The following SRCAP variants were observed in gnomAD, a reference collection of about 807,000 sequenced individuals.
The protein encoded by SRCAP is chromatin remodeling protein SRCAP.
In SRCAP, 46 loss-of-function variants were observed where a neutral mutation model predicts 263.1. The observed-to-expected ratio is 0.17, with a 90% CI of 0.14 to 0.22. The LOEUF (loss-of-function observed/expected upper bound fraction) is 0.22. Ranked by LOEUF, SRCAP falls within the 10% of genes least tolerant of loss-of-function variation. The pLI is 1.00. For missense variants in SRCAP, 3,695 were observed against 4,181.9 expected, an observed-to-expected ratio of 0.88 and a Z score of 3.21; for synonymous variants, 1,813 against 1,662.1, an observed-to-expected ratio of 1.09 and a Z score of -2.21.
intron 24 of SRCAP, 125 bp from the exon 25 acceptor site, chr16:30,723,459 C>T: frequency 6.7e-7 from 1 of 1,496,462 alleles, no homozygotes; most frequent in Non-Finnish European, 8.9e-7. Flanking sequence ...GGATGTTTGA[C>T]TTCATGTTGT....
Position 30,733,704 on chromosome 16 carries a change from G to GT in SRCAP, c.6406dup (p.Tyr2136LeufsTer2). The GT allele has an allele frequency of 6.2e-7, 1 of 1,614,156 alleles. No homozygotes were observed. Among genetic ancestry groups the GT allele is most frequent in the Non-Finnish European group, 8.5e-7 (1 of 1,180,040 alleles). On this transcript the variant is annotated frameshift_variant, in exon 29 of 34. Coordinates refer to ENST00000262518, the MANE Select transcript of SRCAP (RefSeq NM_006662.3). This position sits in a 1 kb window ranked among gnomAD's most constrained non-coding sequence, Gnocchi z 5.3. ...GAACCTGACAGGAGCAGACACTGTT[G>GT]TTTTTTATGACAGCGACTGGAATCC... is the stretch of plus-strand genomic sequence containing the variant.
At chr16:30,704,512 A>G (rs899138311) in intron 4 of SRCAP, among the ~76,000 whole-genome samples, 197 bp downstream of exon 4, 1 of 152,176 alleles carries the variant, frequency 6.6e-6, no homozygotes, top group Middle Eastern at 3.2e-3. Context: ...TAGGAATGAT[A>G]TAATAGTTTA....
rs971754557 is a variant in SRCAP at position 30,724,009 on chromosome 16, C to T, written c.4585C>T (p.Pro1529Ser). 2.6e-5 allele frequency: 42 copies of T among 1,614,044 alleles called. No homozygotes were observed. The highest frequency in any genetic ancestry group is 3.6e-5 in the Non-Finnish European group (42 of 1,180,008). The change falls in exon 25 of 34, where the codon CCC becomes TCC. Residue 1529 changes from proline (P) to serine (S), a missense_variant. Physicochemically the swap from Pro to Ser is moderately conservative, Grantham distance 74. Coordinates refer to ENST00000262518, the MANE Select transcript of SRCAP (RefSeq NM_006662.3). ...QTPGHPLLLA[P>S]TSSHVPGLNS... ...ACCTGGTCACCCTCTGTTGTTGGCT[C>T]CCACCTCTTCACATGTTCCAGGGTT...
intron 1 of SRCAP, 128 bp downstream of exon 1, chr16:30,699,370 C>A (rs2052739936): frequency 2.5e-6 from 1 of 393,778 alleles, no homozygotes; most frequent in African/African-American, 2.1e-5. Context: ...CTGCCTGTTT[C>A]CGGCGCGTGG....
chr16:30,716,028 A>C, intron 16 of SRCAP, 38 bp from the exon 17 acceptor site: 2 of 1,612,626 alleles, frequency 1.2e-6, no homozygotes, highest in Non-Finnish European at 1.7e-6. Context: ...TCGGTGCCTG[A>C]GTTCTCCTGT....
At chr16:30,712,923 T>G (rs1201531921) in intron 14 of SRCAP, 108 bp downstream of exon 14, 3 of 1,393,932 alleles carry the variant, frequency 2.2e-6, no homozygotes, top group African/African-American at 2.9e-5. Flanking sequence ...AAAAAAAATT[T>G]TTTAATTTTT....
Position 30,709,495 on chromosome 16 carries a change from C to T in SRCAP, c.634-18C>T, listed in dbSNP as rs2052865349. 8.7e-6 allele frequency: 14 copies of T among 1,613,982 alleles called. No homozygotes were observed. Among genetic ancestry groups the T allele is most frequent in the Non-Finnish European group, 1.2e-5 (14 of 1,179,870 alleles). On this transcript the variant is annotated intron_variant, in intron 6 of 33. Coordinates refer to ENST00000262518, the MANE Select transcript of SRCAP (RefSeq NM_006662.3). ...AAATGGTTATCTTGGTGAGCAGTCC[C>T]TTTCACATCTGTGGCAGGTGGTGCA...
At chr16:30,703,191 TC>T (rs1387119699) in intron 3 of SRCAP, among the ~76,000 whole-genome samples, 1 of 149,612 alleles carries the variant, frequency 6.7e-6, no homozygotes, top group African/African-American at 2.5e-5. Context: ...ATTTTTTTTT[TC>T]CTTTTCCTTT....
intron 31 of SRCAP, 113 bp downstream of exon 31, chr16:30,734,728 G>T (rs985656511): frequency 2.7e-6 from 4 of 1,484,398 alleles, no homozygotes; most frequent in Admixed American, 2.0e-5. Context: ...CTGCTTCCCA[G>T]ATTACAGTCA....
In SRCAP at chr16:30,711,904, C is replaced by T; in HGVS notation, c.1562C>T (p.Ser521Leu). Reference sequence around the variant, plus strand: ...GAGGAGGAAGAAACAAGTGGAAGTTCAGCATCAGAGGAATCTGAGTCTGAA... The same window carrying T: ...GAGGAGGAAGAAACAAGTGGAAGTTTAGCATCAGAGGAATCTGAGTCTGAA... ...HSEEEETSGSSASEESESEES... is the reference protein window; with the variant it reads ...HSEEEETSGSLASEESESEES... The change falls in exon 12 of 34, where the codon TCA becomes TTA. Residue 521 changes from serine (S) to leucine (L), a missense_variant. Physicochemically the swap from Ser to Leu is moderately radical, Grantham distance 145 (BLOSUM62 -2). Coordinates refer to ENST00000262518, the MANE Select transcript of SRCAP (RefSeq NM_006662.3). 1 of 1,613,814 alleles carries T rather than the reference C, an allele frequency of 6.2e-7. No homozygotes were observed. Among genetic ancestry groups the T allele is most frequent in the Non-Finnish European group, 8.5e-7 (1 of 1,180,010 alleles).
chr16:30,726,274 CG>C (rs983042434), intron 25 of SRCAP: 2 of 152,102 alleles, frequency 1.3e-5, no homozygotes, highest in Non-Finnish European at 2.9e-5. Context: ...TTGATGGAAA[CG>C]TGTGTTACTT....
intron 8 of SRCAP, 119 bp from the exon 9 acceptor site, chr16:30,710,635 C>G (rs751600277): frequency 2.9e-6 from 3 of 1,023,708 alleles, no homozygotes; most frequent in Non-Finnish European, 4.7e-6. Flanking sequence ...TGGGATTATA[C>G]CAGTGGCAAC....
In SRCAP at chr16:30,737,236, T is replaced by G. The variant is rs1430581829; in HGVS notation, c.7196T>G (p.Leu2399Arg). ...CCGGGGACTCGTGTCAGTGAGCGTCTTCGTGGAGCCCGGGCTGAGACTCAA... is the reference window on the plus strand; with the variant it reads ...CCGGGGACTCGTGTCAGTGAGCGTCGTCGTGGAGCCCGGGCTGAGACTCAA... ...ERPGTRVSER[L>R]RGARAETQGA... Residue 2399 changes from leucine (L) to arginine (R), a missense_variant, in exon 34 of 34, where the codon CTT becomes CGT. By Grantham distance (102) the Leu-to-Arg change is moderately radical (BLOSUM62 -2). This residue lies in a region of SRCAP where 1,207 missense variants were observed against 1,142.9 expected (regional missense o/e 1.06). Transcript: ENST00000262518. 2 of 1,613,838 alleles carry G rather than the reference T, an allele frequency of 1.2e-6. No homozygotes were observed. Among genetic ancestry groups the G allele is most frequent in the African/African-American group, 1.3e-5 (1 of 74,840 alleles).
chr16:30,719,056 A>G (rs1381887022), intron 18 of SRCAP, among the ~76,000 whole-genome samples: 4 of 150,818 alleles, frequency 2.7e-5, no homozygotes, highest in Non-Finnish European at 4.4e-5. Context: ...GGTGTGCACA[A>G]CCATGCTGGT....
chr16:30,734,041 GA>G, intron 30 of SRCAP, 33 bp downstream of exon 30: 2 of 1,541,270 alleles, frequency 1.3e-6, no homozygotes, highest in Non-Finnish European at 1.8e-6. Context: ...CTATGCAGGA[GA>G]AAACTGCTGC....
chr16:30,723,603 C>T lies in SRCAP; in HGVS notation c.4179C>T (p.Ala1393=), dbSNP rs546072531. ...CCACAGCTTCAGCCCCCGGAGCTGC[C>T]CCCTTGACCATCTCTTCTCCTCTCC... The part of the protein sequence containing the change: ...PEVSASAPGA[A]PLTISSPLHV... The change falls in exon 25 of 34, where the codon GCC becomes GCT. Residue 1393 remains alanine, a synonymous_variant. Transcript: ENST00000262518. 24 of 1,613,452 alleles carry T rather than the reference C, an allele frequency of 1.5e-5. 1 individual carries two copies. In the South Asian group the frequency reaches 2.6e-4, roughly 18 times the overall value.
Position 30,718,620 on chromosome 16 carries a change from T to C in SRCAP, c.2818-1542T>C, listed in dbSNP as rs1596652220. Among the ~76,000 whole-genome samples, 7 of 151,702 alleles carry C rather than the reference T, an allele frequency of 4.6e-5. No individual in the cohort carries two copies. The South Asian group carries it at 1.5e-3, about 32-fold the overall frequency. ...CCAAGTAACTGGGACTACAGGTGTG[T>C]GCCACCACTCCCAGCTAATTTTTGT... On this transcript the variant is annotated intron_variant, in intron 18 of 33. Transcript: ENST00000262518.
At position 30,733,603 on chromosome 16, in the gene SRCAP, C is replaced by T. The variant is rs1210093930; in HGVS notation, c.6299C>T (p.Ala2100Val). ...ATCTTTTTTTCCCTTTCCTTCTAGG[C>T]CTTGATGGAACGGTTCAATGCAGAC... ...DGSTRVEQRQALMERFNADKR... is the reference protein window; with the variant it reads ...DGSTRVEQRQVLMERFNADKR... The change falls in exon 29 of 34, where the codon GCC becomes GTC. Residue 2100 changes from alanine (A) to valine (V), a missense_variant and splice_region_variant. Physicochemically the swap from Ala to Val is moderately conservative, Grantham distance 64. Transcript: ENST00000262518. The surrounding 1 kb of genome is among the most constrained non-coding windows in gnomAD (Gnocchi z 5.3). The T allele has an allele frequency of 4.3e-6, 7 of 1,612,202 alleles. No homozygotes were observed. The highest frequency in any genetic ancestry group is 3.3e-5 in the South Asian group (3 of 90,926).
rs746926335 is a variant in SRCAP, at chr16:30,724,985, G to A, written c.5561G>A (p.Arg1854His). The A allele has an allele frequency of 1.5e-5, 24 of 1,613,984 alleles. No homozygotes were observed. The highest frequency in any genetic ancestry group is 1.5e-4 in the African/African-American group (11 of 74,878). ...SKDEPDTLTL[R>H]SGPPSPPSTA... ...GATGAGCCTGACACACTGACATTGC[G>A]CTCTGGTCCCCCCAGCCCTCCCTCC... The change falls in exon 25 of 34, where the codon CGC (arginine) becomes CAC (histidine). Residue 1854 changes from arginine to histidine, a missense_variant. Around this residue, in one of 12 missense-constraint regions of SRCAP, gnomAD observed 1,347 missense variants for 1,304.4 expected, o/e 1.03. Coordinates refer to ENST00000262518, the MANE Select transcript of SRCAP (RefSeq NM_006662.3).
Sources: allele counts gnomAD v4.1 joint callset (sites outside exome capture counted in the v4.1 genomes callset), GRCh38; gene constraint gnomAD v4.1.1; regional missense constraint gnomAD v4.1.1; non-coding constraint Gnocchi (gnomAD v3.1); transcripts MANE v1.5; gene names NCBI Gene and HGNC (gene_info 2026-07-23, HGNC 2026-07-21).